Variants in HELQ observed in about 807,000 individuals in gnomAD.
The protein encoded by HELQ is helicase, POLQ like, also known as helicase POLQ-like.
A neutral mutation model predicts 111.6 loss-of-function variants in HELQ; 77 were observed. The observed-to-expected ratio is 0.69, with a 90% CI of 0.57 to 0.83. The LOEUF is 0.83. Among genes scored for constraint, HELQ ranks in the 40% least tolerant of loss-of-function variants. The pLI is 0.00. For synonymous variants in HELQ, 438 were observed against 454.7 expected (o/e 0.96, Z 0.47); for missense variants, 1,200 against 1,288.5 (o/e 0.93, Z 1.05).
Position 83,436,931 on chromosome 4 carries a change from A to G in HELQ, c.1975T>C (p.Tyr659His). 1 of 1,614,224 alleles carries G rather than the reference A, an allele frequency of 6.2e-7. No homozygotes were observed. The highest frequency in any genetic ancestry group is 8.5e-7 in the Non-Finnish European group (1 of 1,180,022). The change falls in exon 9 of 18, where the codon TAC (tyrosine) becomes CAC (histidine). Residue 659 changes from tyrosine to histidine, a missense_variant. Around this residue, in one of 3 missense-constraint regions of HELQ, gnomAD observed 585 missense variants for 665.3 expected, o/e 0.88. Transcript: ENST00000295488. ...AAAAGACAGAGCACTCCTGTGGAGT[A>G]GGCCTCCTCCAAGAGTTTCCTTTCA... Reference protein sequence around the residue: ...SDERKLLEEAYSTGVLCLFTC... With the variant: ...SDERKLLEEAHSTGVLCLFTC...
chr4:83,429,138 G>C (rs1720005145), intron 12 of HELQ, among the ~76,000 whole-genome samples: 1 of 151,924 alleles, frequency 6.6e-6, no homozygotes, highest in African/African-American at 2.4e-5. Flanking sequence ...CTTAAAGAAA[G>C]TATAATTTTT....
At chr4:83,437,133 A>T (rs372758570) in intron 8 of HELQ, 36 bp from the exon 9 acceptor site, 117 of 1,588,364 alleles carry the variant, frequency 7.4e-5, no homozygotes, top group Non-Finnish European at 9.5e-5. Context: ...TGAGCCCTTG[A>T]TCTTTTAGTG....
At chr4:83,444,253 T>C (rs572663812) in intron 5 of HELQ, among the ~76,000 whole-genome samples, 2 of 152,304 alleles carry the variant, frequency 1.3e-5, no homozygotes, top group East Asian at 3.9e-4. Flanking sequence ...AGAGCTATGA[T>C]ATGTTCCACA....
At chr4:83,423,153 T>C (rs1719636926) in intron 14 of HELQ, among the ~76,000 whole-genome samples, 2 of 150,680 alleles carry the variant, frequency 1.3e-5, no homozygotes, top group African/African-American at 4.9e-5. Context: ...AAAATAGAGG[T>C]TGGGAGTGGT....
chr4:83,410,281 G>A (rs1047263486), intron 17 of HELQ, among the ~76,000 whole-genome samples: 1 of 152,194 alleles, frequency 6.6e-6, no homozygotes, highest in Non-Finnish European at 1.5e-5. Flanking sequence ...GTGAGGGAAG[G>A]AGAGGAAATA....
intron 5 of HELQ, among the ~76,000 whole-genome samples, 169 bp downstream of exon 5, chr4:83,445,845 A>G (rs1721018275): frequency 6.6e-6 from 1 of 152,284 alleles, no homozygotes; most frequent in Non-Finnish European, 1.5e-5. Flanking sequence ...TTCTTCAAAT[A>G]CCAATTTCAT....
intron 17 of HELQ, among the ~76,000 whole-genome samples, chr4:83,410,959 C>T (rs1052016998): frequency 6.7e-6 from 1 of 150,012 alleles, no homozygotes; most frequent in African/African-American, 2.5e-5. Flanking sequence ...GAGACCAAAC[C>T]GGGCAACATG....
chr4:83,409,426 C>T (rs906788690), intron 17 of HELQ, among the ~76,000 whole-genome samples: 3 of 151,940 alleles, frequency 2.0e-5, no homozygotes, highest in Non-Finnish European at 4.4e-5. Flanking sequence ...AGGTGGCCGG[C>T]GCCTGTAGTC....
chr4:83,427,018 T>C (rs962314118), intron 13 of HELQ, among the ~76,000 whole-genome samples: 1 of 152,250 alleles, frequency 6.6e-6, no homozygotes, highest in Non-Finnish European at 1.5e-5. Context: ...TTGGGTTTAA[T>C]GTATTATCAT....
chr4:83,413,675 C>T (rs1739219039), intron 17 of HELQ, among the ~76,000 whole-genome samples: 1 of 152,168 alleles, frequency 6.6e-6, no homozygotes, highest in Admixed American at 6.5e-5. Flanking sequence ...TGTATAACTT[C>T]TGAGGTTGGC....
intron 2 of HELQ, among the ~76,000 whole-genome samples, chr4:83,451,010 A>G (rs1578105914): frequency 6.6e-6 from 1 of 152,214 alleles, no homozygotes; most frequent in East Asian, 1.9e-4. Context: ...TTTCCAGGTG[A>G]TGTTGATGCT....
At chr4:83,438,391 C>T (rs1020281451) in intron 8 of HELQ, among the ~76,000 whole-genome samples, 2 of 152,198 alleles carry the variant, frequency 1.3e-5, no homozygotes, top group African/African-American at 4.8e-5. Flanking sequence ...CAACACATTT[C>T]TTACTCAGGA....
rs1027556973 is a variant in HELQ, at chr4:83,430,551, C to T, written c.2296-805G>A. On this transcript the variant is annotated intron_variant, in intron 11 of 17. Coordinates refer to ENST00000295488, the MANE Select transcript of HELQ (RefSeq NM_133636.5). ...CTGAATTAGAATAATTTTTATTAGC[C>T]AATTTCAATGAAATCAGCATGTTAT... Among the ~76,000 whole-genome samples, 132 of 152,154 alleles carry T rather than the reference C, an allele frequency of 8.7e-4. 1 individual carries two copies. Among genetic ancestry groups the T allele is most frequent in the African/African-American group, 3.0e-3 (124 of 41,506 alleles).
intron 2 of HELQ, among the ~76,000 whole-genome samples, chr4:83,451,309 T>C (rs1374566041): frequency 6.6e-6 from 1 of 152,024 alleles, no homozygotes; most frequent in Non-Finnish European, 1.5e-5. Context: ...CATTTTTAAG[T>C]GACAATCCCC....
chr4:83,419,109 G>A (rs1739516368), intron 15 of HELQ, among the ~76,000 whole-genome samples: 2 of 151,490 alleles, frequency 1.3e-5, no homozygotes, highest in Admixed American at 1.3e-4. Context: ...GCCCAGGATG[G>A]CTTTGAATGT....
At chr4:83,446,520 G>A (rs1043466145) in intron 4 of HELQ, among the ~76,000 whole-genome samples, 1 of 151,854 alleles carries the variant, frequency 6.6e-6, no homozygotes, top group Non-Finnish European at 1.5e-5. Flanking sequence ...TGGCCAGGCT[G>A]GTCTTGAACT....
At chr4:83,418,339 AT>A in intron 15 of HELQ, 133 bp from the exon 16 acceptor site, 1 of 488,254 alleles carries the variant, frequency 2.0e-6, no homozygotes, top group Non-Finnish European at 3.7e-6. Flanking sequence ...GAGATGAAAG[AT>A]GATTCTAAGC....
chr4:83,427,548 A>G lies in HELQ; in HGVS notation c.2676+15T>C. 1 of 1,495,600 alleles carries G rather than the reference A, an allele frequency of 6.7e-7. No homozygotes were observed. The highest frequency in any genetic ancestry group is 1.4e-5 in the South Asian group (1 of 73,970). The allele number at this position is 1,495,600 out of a possible 1,614,324, so 92.6% of individuals were successfully genotyped here. On this transcript the variant is annotated intron_variant, in intron 13 of 17. Transcript: ENST00000295488. ...TAAACGAAGTAGCCTAAGTTGAAAA[A>G]CGTTATATTCTCACCTGCCTGAAGT... is the stretch of plus-strand genomic sequence containing the variant.
chr4:83,452,118 T>A (rs1476658985), intron 2 of HELQ, among the ~76,000 whole-genome samples: 2 of 152,234 alleles, frequency 1.3e-5, no homozygotes, highest in Non-Finnish European at 2.9e-5. Context: ...ACAAGATACC[T>A]TCTTAATATT....
Sources: allele counts gnomAD v4.1 joint callset (sites outside exome capture counted in the v4.1 genomes callset), GRCh38; gene constraint gnomAD v4.1.1; regional missense constraint gnomAD v4.1.1; transcripts MANE v1.5; gene names NCBI Gene and HGNC (gene_info 2026-07-23, HGNC 2026-07-21).